The following MBD5 variants were observed in gnomAD, a reference collection of about 807,000 sequenced individuals.
MBD5 encodes methyl-CpG binding domain protein 5.
MBD5 carries 13 observed loss-of-function variants against 117.3 expected under a neutral mutation model. The ratio of observed to expected loss-of-function variants is 0.11; its 90% CI spans 0.07 to 0.18. The LOEUF is 0.18. Among genes scored for constraint, MBD5 ranks in the 10% least tolerant of loss-of-function variants. The pLI, the probability that MBD5 is intolerant of heterozygous loss-of-function variation, is 1.00. For missense variants in MBD5, 1,879 were observed against 2,093.8 expected, an observed-to-expected ratio of 0.90 and a Z score of 2.00; for synonymous variants, 727 against 766.4, an observed-to-expected ratio of 0.95 and a Z score of 0.85.
rs558394270 is a variant in MBD5 at position 148,187,538 on chromosome 2, G to A, written c.-831+8745G>A. On this transcript the variant is annotated intron_variant, in intron 2 of 13. Transcript: ENST00000642680. ...TCATTTCTGAAACCAGTGATAAAGA[G>A]AAAAGTCATAAAAGTAAATGAAGAA... Among the ~76,000 whole-genome samples, 8 of 151,976 alleles carry A rather than the reference G, an allele frequency of 5.3e-5. No individual in the cohort carries two copies. In the South Asian group the frequency reaches 1.5e-3, roughly 28 times the overall value.
intron 3 of MBD5, among the ~76,000 whole-genome samples, chr2:148,285,043 A>G (rs1166775947): frequency 1.3e-5 from 2 of 152,212 alleles, no homozygotes; most frequent in Non-Finnish European, 2.9e-5. Flanking sequence ...CTAGGACCAC[A>G]GCAGCTGTCT....
chr2:148,498,958 T>C (rs1327565395), intron 11 of MBD5, among the ~76,000 whole-genome samples: 1 of 152,198 alleles, frequency 6.6e-6, no homozygotes, highest in Non-Finnish European at 1.5e-5. Flanking sequence ...TGAAGAATTA[T>C]TATATCCAAA....
intron 1 of MBD5, among the ~76,000 whole-genome samples, chr2:148,050,282 C>T (rs1694658269): frequency 6.6e-6 from 1 of 152,114 alleles, no homozygotes; most frequent in South Asian, 2.1e-4. Flanking sequence ...TGATGGCTAA[C>T]GATGTTCCAA....
intron 2 of MBD5, among the ~76,000 whole-genome samples, chr2:148,196,996 G>T (rs903530462): frequency 6.6e-6 from 1 of 152,074 alleles, no homozygotes; most frequent in Non-Finnish European, 1.5e-5. Flanking sequence ...GCCAAAACCA[G>T]CTACAGAAAT....
intron 4 of MBD5, among the ~76,000 whole-genome samples, chr2:148,428,424 A>G (rs922935769): frequency 3.9e-5 from 6 of 152,282 alleles, no homozygotes; most frequent in Admixed American, 3.3e-4. Flanking sequence ...TACTGCCCAA[A>G]GTAATTTATA....
At chr2:148,171,058 AAGC>A (rs1383335122) in intron 1 of MBD5, among the ~76,000 whole-genome samples, 1 of 152,206 alleles carries the variant, frequency 6.6e-6, no homozygotes, top group Non-Finnish European at 1.5e-5. Flanking sequence ...CAAACATTTA[AAGC>A]AGAACTAATA....
chr2:148,380,310 T>C (rs2105428721), intron 4 of MBD5, among the ~76,000 whole-genome samples: 1 of 152,280 alleles, frequency 6.6e-6, no homozygotes, highest in Non-Finnish European at 1.5e-5. Context: ...TTGAACTGTG[T>C]ACCCAACAAT....
chr2:148,506,756 TAATC>T (rs1559107427), intron 12 of MBD5, among the ~76,000 whole-genome samples: 1 of 152,234 alleles, frequency 6.6e-6, no homozygotes. Context: ...ATCTATTACT[TAATC>T]AAGTAGGTTT....
chr2:148,216,070 A>C (rs957921548), intron 2 of MBD5, among the ~76,000 whole-genome samples: 2 of 152,132 alleles, frequency 1.3e-5, no homozygotes, highest in Non-Finnish European at 2.9e-5. Context: ...AGCTTATACA[A>C]AAAGGGTATT....
At chr2:148,326,238 G>C (rs1702447018) in intron 3 of MBD5, among the ~76,000 whole-genome samples, 1 of 152,150 alleles carries the variant, frequency 6.6e-6, no homozygotes, top group Non-Finnish European at 1.5e-5. Flanking sequence ...CATTTGCTGA[G>C]GAGAGCTTTA....
Position 148,439,895 on chromosome 2 carries a change from T to C in MBD5, c.-556-18308T>C, listed in dbSNP as rs6726333. Among the ~76,000 whole-genome samples, 841 of 152,186 alleles carry C rather than the reference T, an allele frequency of 5.5e-3. 8 individuals carry two copies. The highest frequency in any genetic ancestry group is 0.02 in the African/African-American group (814 of 41,514). The stretch of plus-strand genomic sequence containing the variant: ...CTGGGACTACAGGCATGCACCACCA[T>C]GCCCAATTAATTTGTAAAAATTTTT... On this transcript the variant is annotated intron_variant, in intron 4 of 13. Coordinates refer to ENST00000642680, the MANE Select transcript of MBD5 (RefSeq NM_001378120.1).
rs572528443 is a variant in MBD5 at position 148,491,073 on chromosome 2, G to A, written c.4962+479G>A. Among the ~76,000 whole-genome samples, 16 of 152,360 alleles carry A rather than the reference G, an allele frequency of 1.1e-4. No homozygotes were observed. In the East Asian group the frequency reaches 1.5e-3, roughly 15 times the overall value. The stretch of plus-strand genomic sequence containing the variant: ...TGTGGCACACACAGCTGGGAAGGGG[G>A]TACAGTCTGGGTGGAGTTGCAGCCA... On this transcript the variant is annotated intron_variant, in intron 11 of 13. Coordinates refer to ENST00000642680, the MANE Select transcript of MBD5 (RefSeq NM_001378120.1).
chr2:148,065,991 A>C (rs923864307), intron 1 of MBD5, among the ~76,000 whole-genome samples: 3 of 152,124 alleles, frequency 2.0e-5, no homozygotes, highest in Non-Finnish European at 4.4e-5. Flanking sequence ...CTTTATTTTC[A>C]CTGGGTAGAT....
Position 148,065,859 on chromosome 2 carries a change from G to T in MBD5, c.-925+44175G>T, listed in dbSNP as rs372639319. Among the ~76,000 whole-genome samples, 23 of 152,270 alleles carry T rather than the reference G, an allele frequency of 1.5e-4. 1 individual carries two copies. The East Asian group carries it at 4.4e-3, about 29-fold the overall frequency. On this transcript the variant is annotated intron_variant, in intron 1 of 13. Transcript: ENST00000642680. Reference sequence around the variant, plus strand: ...AATATATACAAAACAAAGCTAAAAAGATGAACTCAGCATTTAGTTGATGTG... The same window carrying T: ...AATATATACAAAACAAAGCTAAAAATATGAACTCAGCATTTAGTTGATGTG...
intron 1 of MBD5, among the ~76,000 whole-genome samples, chr2:148,119,706 C>T (rs1268740508): frequency 6.6e-6 from 1 of 152,056 alleles, no homozygotes; most frequent in African/African-American, 2.4e-5. Context: ...GATCCAATAT[C>T]ATTCTTTTTC....
At chr2:148,407,339 A>AGTGTGT (rs34324249) in intron 4 of MBD5, among the ~76,000 whole-genome samples, 180 of 140,194 alleles carry the variant, frequency 1.3e-3, no homozygotes, top group African/African-American at 4.3e-3. Flanking sequence ...TGGCTTTCTG[A>AGTGTGT]GTGTGTGTGT....
chr2:148,252,677 A>G (rs1393647363), intron 3 of MBD5, among the ~76,000 whole-genome samples: 1 of 151,936 alleles, frequency 6.6e-6, no homozygotes, highest in Non-Finnish European at 1.5e-5. Context: ...TGCCTCCCAC[A>G]TAGCTGGGAC....
intron 3 of MBD5, among the ~76,000 whole-genome samples, chr2:148,331,056 A>T (rs1039258825): frequency 2.6e-5 from 4 of 152,190 alleles, no homozygotes; most frequent in African/African-American, 9.6e-5. Context: ...GTTACCAAAT[A>T]AAGTAGTGAT....
chr2:148,138,007 C>T (rs1185642401), intron 1 of MBD5, among the ~76,000 whole-genome samples: 5 of 152,056 alleles, frequency 3.3e-5, no homozygotes, highest in African/African-American at 1.2e-4. Flanking sequence ...GTATCCCTGT[C>T]GTTAAGTGAC....
Sources: allele counts gnomAD v4.1 joint callset (sites outside exome capture counted in the v4.1 genomes callset), GRCh38; gene constraint gnomAD v4.1.1; transcripts MANE v1.5; gene names NCBI Gene and HGNC (gene_info 2026-07-23, HGNC 2026-07-21).